The following RWDD1 variants were observed in gnomAD, a reference collection of about 807,000 sequenced individuals.
The protein encoded by RWDD1 is RWD domain-containing protein 1.
In RWDD1, 17 loss-of-function variants were observed where a neutral mutation model predicts 31.6. That is an observed-to-expected ratio of 0.54 (90% CI 0.37 to 0.81). The LOEUF is 0.81. Among genes scored for constraint, RWDD1 ranks in the 30% least tolerant of loss-of-function variants. The probability of loss-of-function intolerance (pLI) is 0.00; values close to 1 mark genes in which losing one functional copy is unlikely to be tolerated. For synonymous variants in RWDD1, 78 were observed against 94.2 expected, an observed-to-expected ratio of 0.83 and a Z score of 0.99; for missense variants, 204 against 274.5, an observed-to-expected ratio of 0.74 and a Z score of 1.82.
At chr6:116,573,282 G>C (rs1377323291) in intron 1 of RWDD1, among the ~76,000 whole-genome samples, 1 of 151,988 alleles carries the variant, frequency 6.6e-6, no homozygotes, top group Non-Finnish European at 1.5e-5. Context: ...ATTTCAAATT[G>C]TACTAGGCCC....
intron 2 of RWDD1, among the ~76,000 whole-genome samples, chr6:116,581,515 A>G (rs1774946594): frequency 6.6e-6 from 1 of 152,072 alleles, no homozygotes; most frequent in African/African-American, 2.4e-5. Context: ...TATCCACCAT[A>G]CTTTCAAAAT....
rs1163452642 is a variant in RWDD1, at chr6:116,590,924, C to T, written c.584C>T (p.Thr195Ile). 1 of 1,568,394 alleles carries T rather than the reference C, an allele frequency of 6.4e-7. No individual in the cohort carries two copies. Among genetic ancestry groups the T allele is most frequent in the Non-Finnish European group, 8.6e-7 (1 of 1,165,432 alleles). Residue 195 changes from threonine to isoleucine, a missense_variant, in exon 6 of 7, where the codon ACA (threonine) becomes ATA (isoleucine). Coordinates refer to ENST00000466444, the MANE Select transcript of RWDD1 (RefSeq NM_015952.4). ...QLFETDHNLD[T>I]SDIQFLEDAG... Reference sequence around the variant, plus strand: ...TTTGAAACAGATCATAATCTTGACACATCTGATATCCAGTTCTTGGAGGAT... The same window carrying T: ...TTTGAAACAGATCATAATCTTGACATATCTGATATCCAGTTCTTGGAGGAT...
In RWDD1 at chr6:116,580,293, A is replaced by G; in HGVS notation, c.74-2A>G. ...ATAACTTCTGTGTGTATTTTCTTGC[A>G]GTATTATCAGAAAATCCACCCAGCT... On this transcript the variant is annotated splice_acceptor_variant, in intron 1 of 6. Transcript: ENST00000466444. LOFTEE classifies it high-confidence loss of function. 1 of 1,596,750 alleles carries G rather than the reference A, an allele frequency of 6.3e-7. No individual in the cohort carries two copies. The highest frequency in any genetic ancestry group is 1.7e-5 in the Admixed American group (1 of 59,090).
In RWDD1 at chr6:116,571,665, G is replaced by A; in HGVS notation, c.73+10G>A. ...CCTGACTCCTTCACAGGTGACTCCCGCGGCCGCAAGCCTGTAGCCGCCCCG... is the reference window on the plus strand; with the variant it reads ...CCTGACTCCTTCACAGGTGACTCCCACGGCCGCAAGCCTGTAGCCGCCCCG... On this transcript the variant is annotated intron_variant, in intron 1 of 6. Transcript: ENST00000466444. 3 of 1,606,412 alleles carry A rather than the reference G, an allele frequency of 1.9e-6. No individual in the cohort carries two copies. The highest frequency in any genetic ancestry group is 2.5e-6 in the Non-Finnish European group (3 of 1,177,262).
chr6:116,589,851 A>G (rs1775106673), intron 4 of RWDD1, among the ~76,000 whole-genome samples: 1 of 152,128 alleles, frequency 6.6e-6, no homozygotes, highest in South Asian at 2.1e-4. Context: ...TGAGAATAGC[A>G]TGGGAAAGAC....
At chr6:116,592,111 C>T (rs1377884282) in intron 6 of RWDD1, among the ~76,000 whole-genome samples, 1 of 152,182 alleles carries the variant, frequency 6.6e-6, no homozygotes, top group African/African-American at 2.4e-5. Context: ...AATTTCTCTC[C>T]TTAAAATCCT....
intron 4 of RWDD1, among the ~76,000 whole-genome samples, chr6:116,589,526 G>A (rs1441936791): frequency 6.6e-6 from 1 of 152,122 alleles, no homozygotes; most frequent in East Asian, 1.9e-4. Flanking sequence ...GTTACTACAT[G>A]TAAAGAAAAC....
At chr6:116,582,374 G>A (rs2115329106) in intron 2 of RWDD1, among the ~76,000 whole-genome samples, 1 of 151,734 alleles carries the variant, frequency 6.6e-6, no homozygotes, top group East Asian at 1.9e-4. Context: ...AGGATATAAT[G>A]CACATGAAGC....
At chr6:116,576,875 G>A (rs1433856902) in intron 1 of RWDD1, among the ~76,000 whole-genome samples, 2 of 152,208 alleles carry the variant, frequency 1.3e-5, no homozygotes, top group Non-Finnish European at 2.9e-5. Flanking sequence ...TGAGAAGTGA[G>A]AGTCATGGAA....
At position 116,596,384 on chromosome 6, in the gene RWDD1, A is replaced by C. The variant is rs1355503906; in HGVS notation, c.*3283A>C. On this transcript the variant is annotated 3_prime_UTR_variant, in exon 7 of 7. Coordinates refer to ENST00000466444, the MANE Select transcript of RWDD1 (RefSeq NM_015952.4). ...AAAGATGAAAGAATGCTGCCAGAAA[A>C]GTATATTGTTAAATTTTCAGGCCTC... The C allele has an allele frequency of 6.6e-6, 1 of 152,234 alleles. No individual in the cohort carries two copies. Among genetic ancestry groups the C allele is most frequent in the East Asian group, 1.9e-4 (1 of 5,202 alleles). 9.4% of individuals were successfully genotyped at this position (152,234 alleles called of 1,614,324 possible).
intron 1 of RWDD1, chr6:116,574,255 G>C (rs1774795260): frequency 6.6e-6 from 1 of 152,366 alleles, no homozygotes; most frequent in Non-Finnish European, 1.5e-5. Context: ...TTGGCATCAG[G>C]TTAACCAAAA....
chr6:116,590,534 CAT>C, intron 5 of RWDD1, 130 bp downstream of exon 5: 1 of 1,148,518 alleles, frequency 8.7e-7, no homozygotes. Context: ...AAAGAGAAAA[CAT>C]ATCTACCAGA....
chr6:116,580,992 T>C (rs1429877343), intron 2 of RWDD1, among the ~76,000 whole-genome samples: 1 of 152,162 alleles, frequency 6.6e-6, no homozygotes, highest in Admixed American at 6.5e-5. Context: ...CACATTTTTT[T>C]ACCCCCTTTG....
Position 116,590,870 on chromosome 6 carries a change from CTT to C in RWDD1, c.548-4_548-3del, listed in dbSNP as rs77165075. The C allele has an allele frequency of 0.01, 15,204 of 1,451,814 alleles. No homozygotes were observed. Among genetic ancestry groups the C allele is most frequent in the East Asian group, 0.026 (990 of 37,536 alleles). 89.9% of individuals were successfully genotyped at this position (1,451,814 alleles called of 1,614,324 possible). A position where few individuals can be genotyped will look rare whatever the true frequency, so the allele number is the denominator to read the frequency against. Reference sequence around the variant, plus strand: ...AACTATGCCATTTGAATTAAACATACTTTTTTTTTTTTTTTAGGGAAACAACT... The same window carrying C: ...AACTATGCCATTTGAATTAAACATACTTTTTTTTTTTTTAGGGAAACAACT... On this transcript the variant is annotated splice_polypyrimidine_tract_variant and intron_variant, in intron 5 of 6. Transcript: ENST00000466444.
chr6:116,589,971 C>CAG (rs1775109057), intron 4 of RWDD1, among the ~76,000 whole-genome samples: 1 of 152,148 alleles, frequency 6.6e-6, no homozygotes, highest in South Asian at 2.1e-4. Flanking sequence ...CAAACCATAT[C>CAG]AGACAGCAAC....
Position 116,588,966 on chromosome 6 carries a change from A to G in RWDD1, c.395A>G (p.Glu132Gly). 7.1e-7 allele frequency: 1 copy of G among 1,415,412 alleles called. No individual in the cohort carries two copies. Among genetic ancestry groups the G allele is most frequent in the South Asian group, 1.6e-5 (1 of 60,722 alleles). The allele number at this position is 1,415,412 out of a possible 1,614,324, so 87.7% of individuals were successfully genotyped here. The change falls in exon 4 of 7, where the codon GAA becomes GGA. Residue 132 changes from glutamate to glycine, a missense_variant. Transcript: ENST00000466444. Reference protein sequence around the residue: ...REEEKKQKEKEAEEAEKQLFH... With the variant: ...REEEKKQKEKGAEEAEKQLFH... ...GAAGAAAAGAAACAAAAAGAAAAAG[A>G]AGCAGAAGAAGCTGAAAAGGTATAT...
In RWDD1 at chr6:116,584,758, T is replaced by C; in HGVS notation, c.171T>C (p.Ser57=). The change falls in exon 3 of 7, where the codon AGT becomes AGC. Residue 57 remains serine (S), a synonymous_variant. Transcript: ENST00000466444. The part of the protein sequence containing the change: ...TVQTTLKFTY[S]EKYPDEAPLY... ...AGACTACCCTCAAGTTTACATACAG[T>C]GAAAAATACCCAGATGAAGCTCCCC... 6.2e-7 allele frequency: 1 copy of C among 1,610,322 alleles called. No homozygotes were observed. Among genetic ancestry groups the C allele is most frequent in the Non-Finnish European group, 8.5e-7 (1 of 1,176,794 alleles).
At chr6:116,574,666 T>C (rs67128332) in intron 1 of RWDD1, among the ~76,000 whole-genome samples, 3 of 103,408 alleles carry the variant, frequency 2.9e-5, no homozygotes, top group South Asian at 5.9e-4. Context: ...CTTTCTTTCT[T>C]TCTCTCTCTC....
Position 116,595,514 on chromosome 6 carries a change from T to C in RWDD1, c.*2413T>C, listed in dbSNP as rs1458694208. ...TGACGAGTGGTATTTGAAGCAATAA[T>C]TGTTCCATCTTGGATTATCGGTTTT... On this transcript the variant is annotated 3_prime_UTR_variant, in exon 7 of 7. Coordinates refer to ENST00000466444, the MANE Select transcript of RWDD1 (RefSeq NM_015952.4). 6.6e-6 allele frequency: 1 copy of C among 152,242 alleles called. No individual in the cohort carries two copies. Among genetic ancestry groups the C allele is most frequent in the Non-Finnish European group, 1.5e-5 (1 of 68,032 alleles). 9.4% of individuals were successfully genotyped at this position (152,242 alleles called of 1,614,324 possible). A position where few individuals can be genotyped will look rare whatever the true frequency, so the allele number is the denominator to read the frequency against.
Sources: allele counts gnomAD v4.1 joint callset (sites outside exome capture counted in the v4.1 genomes callset), GRCh38; gene constraint gnomAD v4.1.1; transcripts MANE v1.5; gene names NCBI Gene and HGNC (gene_info 2026-07-23, HGNC 2026-07-21).